PTN: variants seen among roughly 807,000 people sequenced by gnomAD.
The protein encoded by PTN is heparin affin regulatory protein.
A neutral mutation model predicts 24.1 loss-of-function variants in PTN; 18 were observed. The ratio of observed to expected loss-of-function variants is 0.75; its 90% CI spans 0.52 to 1.11. The LOEUF (loss-of-function observed/expected upper bound fraction) is 1.11. Ranked by LOEUF, PTN falls within the 50% of genes least tolerant of loss-of-function variation. PTN has a pLI of 0.00. For missense variants in PTN, 163 were observed against 198.8 expected, an observed-to-expected ratio of 0.82 and a Z score of 1.08; for synonymous variants, 78 against 68.6, an observed-to-expected ratio of 1.14 and a Z score of -0.67.
chr7:137,230,581 T>A (rs1808410207), intron 4 of PTN, among the ~76,000 whole-genome samples: 1 of 151,760 alleles, frequency 6.6e-6, no homozygotes, highest in Non-Finnish European at 1.5e-5. Flanking sequence ...GTGTTCAAAT[T>A]TTTGTGAAAA....
intron 1 of PTN, among the ~76,000 whole-genome samples, chr7:137,288,702 T>TG (rs1187690764): frequency 1.3e-5 from 2 of 152,158 alleles, no homozygotes; most frequent in Non-Finnish European, 2.9e-5. Context: ...AACATTTATT[T>TG]GGGGGGAAGA....
At chr7:137,342,527 C>CTGTG (rs4032309) in intron 1 of PTN, among the ~76,000 whole-genome samples, 38,039 of 150,524 alleles carry the variant, frequency 0.25, 4,757 homozygotes, top group East Asian at 0.31. Flanking sequence ...GTGTGTGTTC[C>CTGTG]TGTGTGTGTG....
At chr7:137,325,234 C>T (rs1035053541) in intron 1 of PTN, among the ~76,000 whole-genome samples, 2 of 152,186 alleles carry the variant, frequency 1.3e-5, no homozygotes, top group Non-Finnish European at 2.9e-5. Context: ...CCTGTCTCTT[C>T]TGGCTGATAA....
chr7:137,230,242 A>T (rs1387221531), intron 4 of PTN, among the ~76,000 whole-genome samples: 6 of 151,922 alleles, frequency 3.9e-5, no homozygotes, highest in Non-Finnish European at 4.4e-5. Context: ...CTTTGGGAAT[A>T]GGAATCTGTC....
chr7:137,257,081 T>C (rs1160602684), intron 1 of PTN, among the ~76,000 whole-genome samples: 3 of 152,180 alleles, frequency 2.0e-5, no homozygotes, highest in Non-Finnish European at 2.9e-5. Flanking sequence ...TAAGTGTTGT[T>C]TTTAAAAATT....
intron 1 of PTN, among the ~76,000 whole-genome samples, chr7:137,321,295 G>C (rs373851682): frequency 1.3e-5 from 2 of 152,182 alleles, no homozygotes; most frequent in East Asian, 1.9e-4. Context: ...AAGAATCAAA[G>C]AGATGTTTGT....
chr7:137,332,753 C>A (rs1810379904), intron 1 of PTN, among the ~76,000 whole-genome samples: 1 of 152,082 alleles, frequency 6.6e-6, no homozygotes, highest in Non-Finnish European at 1.5e-5. Context: ...AAATCCAGTT[C>A]TTTCAAGACC....
intron 1 of PTN, among the ~76,000 whole-genome samples, chr7:137,277,531 G>A (rs966864994): frequency 1.3e-5 from 2 of 152,060 alleles, no homozygotes; most frequent in African/African-American, 4.8e-5. Context: ...GTACATTGAT[G>A]AATAAATTGT....
intron 2 of PTN, among the ~76,000 whole-genome samples, chr7:137,254,467 G>A (rs1412555996): frequency 6.6e-6 from 1 of 151,882 alleles, no homozygotes; most frequent in Non-Finnish European, 1.5e-5. Context: ...GCATAGAGAA[G>A]GTGCTTTATC....
At chr7:137,303,854 G>A (rs767845979) in intron 1 of PTN, among the ~76,000 whole-genome samples, 3 of 151,986 alleles carry the variant, frequency 2.0e-5, no homozygotes, top group African/African-American at 4.8e-5. Context: ...GATACTAATA[G>A]CCTCTTCAGT....
intron 1 of PTN, among the ~76,000 whole-genome samples, chr7:137,310,163 C>T (rs1809956048): frequency 1.3e-5 from 2 of 152,126 alleles, no homozygotes; most frequent in South Asian, 2.1e-4. Context: ...TGACCAGGTG[C>T]ATTGTCAATG....
intron 2 of PTN, among the ~76,000 whole-genome samples, chr7:137,254,427 T>A (rs1464586667): frequency 6.6e-6 from 1 of 152,166 alleles, no homozygotes; most frequent in Non-Finnish European, 1.5e-5. Context: ...AGACTGTCAG[T>A]TCCACAGCCT....
intron 1 of PTN, among the ~76,000 whole-genome samples, chr7:137,257,354 T>G (rs1183340766): frequency 6.6e-6 from 1 of 152,210 alleles, no homozygotes; most frequent in Non-Finnish European, 1.5e-5. Flanking sequence ...TAATACCTCA[T>G]GAATGGTCAC....
At chr7:137,271,625 A>G (rs1192614761) in intron 1 of PTN, among the ~76,000 whole-genome samples, 1 of 152,218 alleles carries the variant, frequency 6.6e-6, no homozygotes, top group East Asian at 1.9e-4. Context: ...GGCTGTTTGT[A>G]TTATTCCTTT....
At chr7:137,251,176 T>A in intron 4 of PTN, 54 bp downstream of exon 4, 1 of 1,584,108 alleles carries the variant, frequency 6.3e-7, no homozygotes, top group Non-Finnish European at 8.7e-7. Context: ...GTTTTCCAGA[T>A]CTTACCTGAG....
At chr7:137,321,676 T>G (rs991880591) in intron 1 of PTN, among the ~76,000 whole-genome samples, 15 of 152,350 alleles carry the variant, frequency 9.8e-5, no homozygotes, top group African/African-American at 3.4e-4. Flanking sequence ...CACAGCACTA[T>G]TTAATAATCA....
chr7:137,248,372 T>C (rs1047463601), intron 4 of PTN, among the ~76,000 whole-genome samples: 1 of 152,166 alleles, frequency 6.6e-6, no homozygotes, highest in African/African-American at 2.4e-5. Context: ...CACATCTCCC[T>C]GGTTCAACTC....
intron 1 of PTN, among the ~76,000 whole-genome samples, chr7:137,330,842 T>A (rs571392775): frequency 2.0e-5 from 3 of 152,248 alleles, no homozygotes; most frequent in African/African-American, 7.2e-5. Context: ...GCCGAGGAGA[T>A]GTGGAAAACA....
intron 1 of PTN, among the ~76,000 whole-genome samples, chr7:137,339,998 C>T (rs538984078): frequency 6.6e-6 from 1 of 152,084 alleles, no homozygotes; most frequent in South Asian, 2.1e-4. Flanking sequence ...TTTTTTGTTA[C>T]ACTATGTGTG....
Sources: gnomAD v4.1 joint callset for allele counts (sites outside exome capture counted in the v4.1 genomes callset) on GRCh38, gnomAD v4.1.1 for gene constraint, MANE v1.5 for transcripts, NCBI Gene and HGNC (gene_info 2026-07-23, HGNC 2026-07-21) for gene names.